Variants in NCKAP5 observed in about 807,000 individuals in gnomAD.
NCKAP5 encodes the protein NCK associated protein 5.
Under a neutral mutation model 167.0 loss-of-function variants are expected in NCKAP5, and 92 were observed. The observed-to-expected ratio is 0.55, with a 90% CI of 0.47 to 0.66. The LOEUF (loss-of-function observed/expected upper bound fraction) is 0.66. Ranked by LOEUF, NCKAP5 falls within the 30% of genes least tolerant of loss-of-function variation. The pLI, the probability that NCKAP5 is intolerant of heterozygous loss-of-function variation, is 0.00. For missense variants in NCKAP5, 2,378 were observed against 2,315.0 expected (o/e 1.03, Z -0.56); for synonymous variants, 891 against 877.4 (o/e 1.02, Z -0.27).
chr2:133,150,230 A>G (rs1205376998), intron 5 of NCKAP5, among the ~76,000 whole-genome samples: 1 of 152,226 alleles, frequency 6.6e-6, no homozygotes, highest in Non-Finnish European at 1.5e-5. Context: ...GAAATCATGC[A>G]CATTCTAGCT....
chr2:133,467,117 G>T (rs1047833478), intron 3 of NCKAP5, among the ~76,000 whole-genome samples: 2 of 151,890 alleles, frequency 1.3e-5, no homozygotes, highest in Non-Finnish European at 2.9e-5. Flanking sequence ...TCCAGTTTTT[G>T]CCCATTCAGT....
At chr2:133,250,796 G>C (rs1192896101) in intron 4 of NCKAP5, among the ~76,000 whole-genome samples, 1 of 152,030 alleles carries the variant, frequency 6.6e-6, no homozygotes, top group Non-Finnish European at 1.5e-5. Flanking sequence ...TGTGCATGAT[G>C]GCACAAACCT....
chr2:133,094,168 C>T (rs1175006794), intron 6 of NCKAP5, among the ~76,000 whole-genome samples: 1 of 152,112 alleles, frequency 6.6e-6, no homozygotes, highest in Admixed American at 6.5e-5. Context: ...AACATTGTCG[C>T]CGGATAATAC....
At chr2:133,645,223 A>C in the NCKAP5 span, among the ~76,000 whole-genome samples, 1 of 152,242 alleles carries the variant, frequency 6.6e-6, no homozygotes, top group Admixed American at 6.5e-5. Context: ...CAAAATGCTA[A>C]ATGTCAGAAA....
intron 5 of NCKAP5, among the ~76,000 whole-genome samples, chr2:133,165,163 C>T (rs139820240): frequency 3.3e-5 from 5 of 152,276 alleles, no homozygotes; most frequent in African/African-American, 1.2e-4. Context: ...GAGCCTACTA[C>T]CCCAACACAG....
At chr2:133,097,029 G>A (rs2081365163) in intron 6 of NCKAP5, among the ~76,000 whole-genome samples, 1 of 152,012 alleles carries the variant, frequency 6.6e-6, no homozygotes, top group African/African-American at 2.4e-5. Context: ...AATCTAGCTG[G>A]GCACCTGACC....
intron 3 of NCKAP5, chr2:133,381,560 A>G (rs1394265088): frequency 6.6e-6 from 1 of 152,216 alleles, no homozygotes; most frequent in Non-Finnish European, 1.5e-5. Flanking sequence ...AATTAGAATA[A>G]ATGAACATTA....
chr2:132,862,778 A>C lies in NCKAP5; in HGVS notation c.688-2167T>G, dbSNP rs1185128461. 9.6e-3 allele frequency among the ~76,000 whole-genome samples: 816 copies of C among 84,940 alleles called. 7 individuals carry two copies. The highest frequency in any genetic ancestry group is 0.041 in the African/African-American group (774 of 18,786). The allele number at this position is 84,940 out of a possible 152,430, so 55.7% of individuals were successfully genotyped here. Reference sequence around the variant, plus strand: ...AAAACCCAGTCTCAAAAAAAAAAAAACCAAAAAAAAACAAAGGTGAAACTT... The same window carrying C: ...AAAACCCAGTCTCAAAAAAAAAAAACCCAAAAAAAAACAAAGGTGAAACTT... On this transcript the variant is annotated intron_variant, in intron 10 of 19. Coordinates refer to ENST00000409261, the MANE Select transcript of NCKAP5 (RefSeq NM_207363.3).
intron 19 of NCKAP5, among the ~76,000 whole-genome samples, chr2:132,724,396 C>T (rs1430633): frequency 0.74 from 112,823 of 152,068 alleles, 42,761 homozygotes; most frequent in African/African-American, 0.9. Context: ...CAAATACTTA[C>T]TCAATAATGA....
At chr2:132,943,737 AGAAGACACCGATGACAATG>A (rs1697472634) in intron 8 of NCKAP5, among the ~76,000 whole-genome samples, 1 of 152,226 alleles carries the variant, frequency 6.6e-6, no homozygotes, top group South Asian at 2.1e-4. Flanking sequence ...CCTGAGAGCC[AGAAGACACCGATGACAATG>A]GAATCCACCC....
At chr2:133,514,416 C>G (rs189806110) in intron 3 of NCKAP5, among the ~76,000 whole-genome samples, 1 of 152,256 alleles carries the variant, frequency 6.6e-6, no homozygotes, top group East Asian at 1.9e-4. Flanking sequence ...ACTTGTTTTC[C>G]CCAATTGGAG....
intron 3 of NCKAP5, among the ~76,000 whole-genome samples, chr2:133,366,766 C>T (rs1287457410): frequency 4.6e-5 from 7 of 152,132 alleles, no homozygotes; most frequent in Admixed American, 4.6e-4. Context: ...AAAATCAGAA[C>T]TTAAAGAGAC....
intron 6 of NCKAP5, among the ~76,000 whole-genome samples, chr2:133,079,953 T>C (rs1470421586): frequency 6.6e-6 from 1 of 152,130 alleles, no homozygotes; most frequent in Non-Finnish European, 1.5e-5. Flanking sequence ...TCGCAAACAC[T>C]ATTGTAATAG....
intron 6 of NCKAP5, among the ~76,000 whole-genome samples, chr2:132,994,934 A>G (rs776079730): frequency 5.3e-5 from 8 of 152,160 alleles, no homozygotes; most frequent in Non-Finnish European, 1.0e-4. Context: ...ATAAAACAAT[A>G]ATATTTGTGT....
chr2:132,916,829 T>A (rs983669129), intron 8 of NCKAP5, among the ~76,000 whole-genome samples: 5 of 150,772 alleles, frequency 3.3e-5, no homozygotes, highest in Non-Finnish European at 7.4e-5. Flanking sequence ...TTCATCTCTT[T>A]ACTTTTTTGG....
intron 11 of NCKAP5, among the ~76,000 whole-genome samples, chr2:132,852,854 GTA>G (rs1387194612): frequency 1.3e-5 from 2 of 152,068 alleles, no homozygotes; most frequent in African/African-American, 4.8e-5. Flanking sequence ...ACCTTGGATG[GTA>G]TATGTTTCTG....
chr2:132,950,220 A>G (rs985870769), intron 8 of NCKAP5, among the ~76,000 whole-genome samples: 5 of 152,260 alleles, frequency 3.3e-5, no homozygotes, highest in Admixed American at 2.6e-4. Context: ...GAACTGAACT[A>G]GTTCAAGATC....
intron 3 of NCKAP5, among the ~76,000 whole-genome samples, chr2:133,455,366 C>A (rs576651184): frequency 6.6e-6 from 1 of 152,064 alleles, no homozygotes; most frequent in South Asian, 2.1e-4. Context: ...TTATTGTAGC[C>A]AAGTGGCTTT....
intron 3 of NCKAP5, among the ~76,000 whole-genome samples, chr2:133,337,884 T>C (rs546582255): frequency 2.6e-5 from 4 of 152,354 alleles, no homozygotes; most frequent in African/African-American, 9.6e-5. Flanking sequence ...ACCATTCTTA[T>C]GATGAATTTC....
Sources: gnomAD v4.1 joint callset for allele counts (sites outside exome capture counted in the v4.1 genomes callset) on GRCh38, gnomAD v4.1.1 for gene constraint, MANE v1.5 for transcripts, NCBI Gene and HGNC (gene_info 2026-07-23, HGNC 2026-07-21) for gene names.